The following DNAAF1 variants were observed in gnomAD, a reference collection of about 807,000 sequenced individuals.
DNAAF1 encodes the protein dynein axonemal assembly factor 1, also known as dynein assembly factor 1, axonemal.
DNAAF1 carries 65 observed loss-of-function variants against 71.1 expected under a neutral mutation model. That is an observed-to-expected ratio of 0.91 (90% CI 0.75 to 1.12). DNAAF1 has a LOEUF of 1.12. DNAAF1 is among the 50% of genes most tolerant of loss of function. The pLI is 0.00. For missense variants in DNAAF1, 1,178 were observed against 899.8 expected (o/e 1.31, Z -3.96); for synonymous variants, 414 against 354.6 (o/e 1.17, Z -1.88).
In DNAAF1 at chr16:84,155,752, A is replaced by G. The variant is rs769805690; in HGVS notation, c.741+3A>G. 1 of 1,614,074 alleles carries G rather than the reference A, an allele frequency of 6.2e-7. No individual in the cohort carries two copies. The highest frequency in any genetic ancestry group is 1.1e-5 in the South Asian group (1 of 91,080). On this transcript the variant is annotated splice_donor_region_variant and intron_variant, in intron 5 of 11. Transcript: ENST00000378553. The stretch of plus-strand genomic sequence containing the variant: ...TTCTGGAAAGCATGCCCGATTTGGT[A>G]AAAAACAAAAACAAAAACAACGAAA...
At chr16:84,155,112 GT>G in intron 4 of DNAAF1, among the ~76,000 whole-genome samples, 1 of 152,278 alleles carries the variant, frequency 6.6e-6, no homozygotes, top group Non-Finnish European at 1.5e-5. Flanking sequence ...GTTTCACCGT[GT>G]TAGCCAGGAT....
At chr16:84,148,985 C>G (rs1288812722) in intron 1 of DNAAF1, 22 bp from the exon 2 acceptor site, 1 of 1,613,632 alleles carries the variant, frequency 6.2e-7, no homozygotes, top group African/African-American at 1.3e-5. Flanking sequence ...TCTCTACAGA[C>G]CTGATCTCTT....
chr16:84,163,886 G>A (rs904819817), intron 6 of DNAAF1, among the ~76,000 whole-genome samples: 11 of 148,656 alleles, frequency 7.4e-5, no homozygotes, highest in Admixed American at 1.3e-4. Context: ...GGGGGACAGC[G>A]TTTTGCTCTG....
intron 7 of DNAAF1, among the ~76,000 whole-genome samples, chr16:84,167,140 C>T (rs1046474316): frequency 6.6e-6 from 1 of 152,144 alleles, no homozygotes; most frequent in African/African-American, 2.4e-5. Context: ...TGATAATTTG[C>T]TATGATGGCT....
intron 9 of DNAAF1, chr16:84,172,694 G>T: frequency 8.2e-7 from 1 of 1,216,026 alleles, no homozygotes; most frequent in African/African-American, 1.6e-5. Context: ...AAGCTATCTT[G>T]CTAAGTGGTT....
chr16:84,155,312 T>G (rs777370284), intron 4 of DNAAF1, among the ~76,000 whole-genome samples: 2 of 152,190 alleles, frequency 1.3e-5, no homozygotes, highest in Non-Finnish European at 2.9e-5. Context: ...CACTGCAGCC[T>G]TGACCTCCTG....
intron 9 of DNAAF1, chr16:84,173,613 C>G (rs978017088): frequency 1.2e-6 from 1 of 808,464 alleles, no homozygotes; most frequent in African/African-American, 1.9e-5. Flanking sequence ...GTGGGTGGAT[C>G]ACATGAAGTC....
intron 9 of DNAAF1, chr16:84,173,535 T>TA (rs375885236): frequency 3.3e-5 from 32 of 982,274 alleles, no homozygotes; most frequent in South Asian, 1.9e-4. Flanking sequence ...TGGAGCTATG[T>TA]AAAAAAAAGA....
intron 1 of DNAAF1, among the ~76,000 whole-genome samples, chr16:84,147,420 A>G (rs2086965171): frequency 6.6e-6 from 1 of 152,152 alleles, no homozygotes; most frequent in Admixed American, 6.5e-5. Flanking sequence ...ATTTTGAATG[A>G]CCTTTAAAAA....
At chr16:84,158,918 A>G (rs2151232219) in intron 5 of DNAAF1, 5 of 453,634 alleles carry the variant, frequency 1.1e-5, no homozygotes, top group Non-Finnish European at 1.2e-5. Flanking sequence ...TTTAGTAGAG[A>G]TGGGGTTTCA....
At chr16:84,174,022 C>T (rs1262218745) in intron 9 of DNAAF1, 1 of 190,972 alleles carries the variant, frequency 5.2e-6, no homozygotes, top group African/African-American at 2.4e-5. Context: ...ACCCTTCCTA[C>T]AACTCTAAGC....
rs145680314 is a variant in DNAAF1 at position 84,170,182 on chromosome 16, C to A, written c.1354C>A (p.Pro452Thr). ...LPAEAPPPPP[P>T]VEVKGEDGDQ... Reference sequence around the variant, plus strand: ...AGCTGAGGCCCCACCACCCCCGCCACCTGTGGAGGTTAAAGGAGAGGATGG... The same window carrying A: ...AGCTGAGGCCCCACCACCCCCGCCAACTGTGGAGGTTAAAGGAGAGGATGG... Residue 452 changes from proline (P) to threonine (T), a missense_variant, in exon 8 of 12, where the codon CCT becomes ACT. Coordinates refer to ENST00000378553, the MANE Select transcript of DNAAF1 (RefSeq NM_178452.6). 2,118 of 1,612,856 alleles carry A rather than the reference C, an allele frequency of 1.3e-3. 1 individual carries two copies. Among genetic ancestry groups the A allele is most frequent in the Non-Finnish European group, 1.6e-3 (1,920 of 1,179,582 alleles).
intron 3 of DNAAF1, among the ~76,000 whole-genome samples, chr16:84,153,183 C>A (rs1420646868): frequency 6.6e-6 from 1 of 152,118 alleles, no homozygotes; most frequent in Non-Finnish European, 1.5e-5. Context: ...ATACTGACTT[C>A]AGCATGAAGA....
chr16:84,147,874 T>G (rs1201074781), intron 1 of DNAAF1, among the ~76,000 whole-genome samples: 1 of 152,122 alleles, frequency 6.6e-6, no homozygotes, highest in Admixed American at 6.5e-5. Flanking sequence ...GAGGACAGCC[T>G]GGCCAACATG....
rs768258010 is a variant in DNAAF1 at position 84,145,537 on chromosome 16, AGCGCAGGCCGAGGGGGCT to A, written c.100_117del (p.Ala34_Cys39del). On this transcript the variant is annotated inframe_deletion, in exon 1 of 12. Transcript: ENST00000378553. ...GGAGGAGTCTGCGGGTGACCACGGG[AGCGCAGGCCGAGGGGGCT>A]GCAAGGAAGGTGCCGACTGCCCCCC... 1 of 1,551,886 alleles carries A rather than the reference AGCGCAGGCCGAGGGGGCT, an allele frequency of 6.4e-7. No individual in the cohort carries two copies. The highest frequency in any genetic ancestry group is 8.7e-7 in the Non-Finnish European group (1 of 1,148,016).
At chr16:84,151,082 C>T (rs910205234) in intron 3 of DNAAF1, among the ~76,000 whole-genome samples, 1 of 152,134 alleles carries the variant, frequency 6.6e-6, no homozygotes, top group African/African-American at 2.4e-5. Context: ...GCCAGTATCA[C>T]ATATCAATGG....
At chr16:84,171,489 G>C (rs944283442) in intron 8 of DNAAF1, among the ~76,000 whole-genome samples, 10 of 152,124 alleles carry the variant, frequency 6.6e-5, no homozygotes, top group African/African-American at 2.4e-4. Flanking sequence ...GGAAAAGTAG[G>C]GGCCTGGATG....
chr16:84,161,208 T>C (rs569315097), intron 6 of DNAAF1, among the ~76,000 whole-genome samples: 5 of 152,298 alleles, frequency 3.3e-5, no homozygotes, highest in Admixed American at 6.5e-5. Flanking sequence ...GTGAGCAACA[T>C]GCAGGACTCC....
At chr16:84,146,960 A>G (rs1567531545) in intron 1 of DNAAF1, among the ~76,000 whole-genome samples, 4 of 152,200 alleles carry the variant, frequency 2.6e-5, no homozygotes, top group South Asian at 4.1e-4. Flanking sequence ...ATGAGGAGCC[A>G]TAGGGAACTG....
Sources: gnomAD v4.1 joint callset for allele counts (sites outside exome capture counted in the v4.1 genomes callset) on GRCh38, gnomAD v4.1.1 for gene constraint, MANE v1.5 for transcripts, NCBI Gene and HGNC (gene_info 2026-07-23, HGNC 2026-07-21) for gene names.